RSRC1: variants seen among roughly 807,000 people sequenced by gnomAD.
The protein encoded by RSRC1 is arginine and serine rich coiled-coil 1.
Under a neutral mutation model 49.1 loss-of-function variants are expected in RSRC1, and 39 were observed. The ratio of observed to expected loss-of-function variants is 0.79; its 90% CI spans 0.61 to 1.04. The LOEUF (loss-of-function observed/expected upper bound fraction) is 1.04, where lower values mean the gene tolerates loss of function less well. Among genes scored for constraint, RSRC1 ranks in the 50% least tolerant of loss-of-function variants. RSRC1 has a pLI of 0.00. For missense variants in RSRC1, 388 were observed against 402.4 expected, an observed-to-expected ratio of 0.96 and a Z score of 0.31; for synonymous variants, 143 against 130.8, an observed-to-expected ratio of 1.09 and a Z score of -0.63.
intron 6 of RSRC1, among the ~76,000 whole-genome samples, chr3:158,405,013 G>GA (rs1578434702): frequency 6.6e-6 from 1 of 151,924 alleles, no homozygotes; most frequent in Non-Finnish European, 1.5e-5. Context: ...CAACAGAAAG[G>GA]AAAAAATGTA....
chr3:158,173,795 T>C (rs536828953), intron 3 of RSRC1, among the ~76,000 whole-genome samples: 2 of 152,090 alleles, frequency 1.3e-5, no homozygotes, highest in East Asian at 3.9e-4. Context: ...CAACCACTGA[T>C]GAATGCTATG....
chr3:158,472,664 C>A (rs1288976867), intron 7 of RSRC1, among the ~76,000 whole-genome samples: 1 of 152,092 alleles, frequency 6.6e-6, no homozygotes, highest in Non-Finnish European at 1.5e-5. Flanking sequence ...TGTTCATATC[C>A]TTTGCCCACT....
chr3:158,516,548 T>C (rs1740548006), intron 7 of RSRC1, among the ~76,000 whole-genome samples: 1 of 152,200 alleles, frequency 6.6e-6, no homozygotes, highest in African/African-American at 2.4e-5. Context: ...TGCTGTCTTT[T>C]TGTTGTCTGT....
rs1553769133 is a variant in RSRC1 at position 158,207,674 on chromosome 3, C to CAGACAGAG, written c.494+4436_494+4437insGAGACAGA. 1.3e-3 allele frequency among the ~76,000 whole-genome samples: 97 copies of CAGACAGAG among 77,298 alleles called. 2 individuals carry two copies. The highest frequency in any genetic ancestry group is 9.4e-3 in the Admixed American group (81 of 8,580). The allele number at this position is 77,298 out of a possible 152,430, so 50.7% of individuals were successfully genotyped here. A position where few individuals can be genotyped will look rare whatever the true frequency, so the allele number is the denominator to read the frequency against. ...ATAGATAGATAGATAGACAGAGAGA[C>CAGACAGAG]AGACAGACAGACAGGACACAAAGTA... On this transcript the variant is annotated intron_variant, in intron 4 of 9. Coordinates refer to ENST00000611884, the MANE Select transcript of RSRC1 (RefSeq NM_001271838.2).
chr3:158,234,942 T>C (rs1476670444), intron 4 of RSRC1, among the ~76,000 whole-genome samples: 2 of 152,090 alleles, frequency 1.3e-5, no homozygotes, highest in African/African-American at 2.4e-5. Context: ...ATAGAACCAA[T>C]ATAGCCAATC....
chr3:158,367,996 C>T (rs1731869799), intron 6 of RSRC1, among the ~76,000 whole-genome samples: 1 of 151,606 alleles, frequency 6.6e-6, no homozygotes, highest in Non-Finnish European at 1.5e-5. Context: ...ATCAGTTACA[C>T]GTTTATATTT....
chr3:158,323,642 G>A (rs943359158), intron 5 of RSRC1, among the ~76,000 whole-genome samples: 7 of 152,098 alleles, frequency 4.6e-5, no homozygotes, highest in African/African-American at 4.8e-5. Flanking sequence ...AAGCTGTACA[G>A]GAAGTAACAT....
chr3:158,500,112 A>C (rs567729363), intron 7 of RSRC1, among the ~76,000 whole-genome samples: 1 of 152,228 alleles, frequency 6.6e-6, no homozygotes, highest in Non-Finnish European at 1.5e-5. Flanking sequence ...TTCTGCATCT[A>C]TTGAGATGAT....
rs766299079 is a variant in RSRC1 at position 158,264,800 on chromosome 3, G to A, written c.495-33239G>A. ...CATTCCCCACAACTGAGGAATGAAC[G>A]TCCTGGGTATTTTAACCTATGCCTT... is the stretch of plus-strand genomic sequence containing the variant. On this transcript the variant is annotated intron_variant, in intron 4 of 9. Transcript: ENST00000611884. 7.9e-5 allele frequency among the ~76,000 whole-genome samples: 12 copies of A among 152,316 alleles called. No individual in the cohort carries two copies. In the South Asian group the frequency reaches 1.0e-3, roughly 13 times the overall value.
rs532034781 is a variant in RSRC1 at position 158,324,028 on chromosome 3, C to A, written c.531+25953C>A. Among the ~76,000 whole-genome samples the A allele has an allele frequency of 1.3e-4, 20 of 152,126 alleles. No individual in the cohort carries two copies. In the South Asian group the frequency reaches 1.7e-3, roughly 13 times the overall value. On this transcript the variant is annotated intron_variant, in intron 5 of 9. Transcript: ENST00000611884. Reference sequence around the variant, plus strand: ...CTTAGCAGTATAGTATTGATATTTTCTTTTGGTAAAAATTTTCATATAATT... The same window carrying A: ...CTTAGCAGTATAGTATTGATATTTTATTTTGGTAAAAATTTTCATATAATT...
intron 6 of RSRC1, among the ~76,000 whole-genome samples, chr3:158,397,152 G>A (rs920829050): frequency 1.3e-5 from 2 of 152,134 alleles, no homozygotes; most frequent in Non-Finnish European, 2.9e-5. Context: ...AACGAGAGAT[G>A]TACAGCTGAA....
At chr3:158,515,520 C>A (rs1241770287) in intron 7 of RSRC1, among the ~76,000 whole-genome samples, 2 of 136,508 alleles carry the variant, frequency 1.5e-5, no homozygotes, top group African/African-American at 5.7e-5. Context: ...TTCTCTCTGG[C>A]TGCCCTTAAC....
intron 6 of RSRC1, among the ~76,000 whole-genome samples, chr3:158,430,077 A>AAT (rs111413744): frequency 1.1e-4 from 10 of 93,472 alleles, no homozygotes; most frequent in African/African-American, 4.0e-4. Flanking sequence ...ACACACAAAA[A>AAT]AAATAAAATA....
chr3:158,457,740 GT>G (rs762873924), intron 6 of RSRC1, among the ~76,000 whole-genome samples: 2,135 of 78,742 alleles, frequency 0.027, 22 homozygotes, highest in Non-Finnish European at 0.03. Context: ...GTTTTTTTTT[GT>G]TTTTTTTTTT....
At chr3:158,459,222 AC>A (rs764479437) in intron 6 of RSRC1, among the ~76,000 whole-genome samples, 6 of 152,290 alleles carry the variant, frequency 3.9e-5, no homozygotes, top group African/African-American at 9.6e-5. Context: ...TTTAAAAAAA[AC>A]ATATAAAATA....
At chr3:158,317,694 G>T (rs1559990242) in intron 5 of RSRC1, among the ~76,000 whole-genome samples, 1 of 152,034 alleles carries the variant, frequency 6.6e-6, no homozygotes, top group Non-Finnish European at 1.5e-5. Flanking sequence ...AAGTAGGTGA[G>T]ACCAGAGGCA....
intron 5 of RSRC1, among the ~76,000 whole-genome samples, chr3:158,335,022 C>G (rs1322511505): frequency 6.6e-6 from 1 of 152,076 alleles, no homozygotes; most frequent in East Asian, 1.9e-4. Flanking sequence ...ACTTAACTTT[C>G]ACATAATGCT....
intron 2 of RSRC1, among the ~76,000 whole-genome samples, chr3:158,123,445 C>T (rs1382748496): frequency 6.6e-6 from 1 of 152,212 alleles, no homozygotes; most frequent in Non-Finnish European, 1.5e-5. Flanking sequence ...CATGTGCCAC[C>T]ATGCCTAGCT....
intron 5 of RSRC1, among the ~76,000 whole-genome samples, chr3:158,324,070 AT>A (rs1728925012): frequency 6.6e-6 from 1 of 152,048 alleles, no homozygotes. Flanking sequence ...AAAATATTTT[AT>A]TTTTTTGGAA....
Sources: gnomAD v4.1 joint callset for allele counts (sites outside exome capture counted in the v4.1 genomes callset) on GRCh38, gnomAD v4.1.1 for gene constraint, MANE v1.5 for transcripts, NCBI Gene and HGNC (gene_info 2026-07-23, HGNC 2026-07-21) for gene names.